Variants in DENND4C observed in about 807,000 individuals in gnomAD.
DENND4C encodes DENN domain-containing protein 4C.
Under a neutral mutation model 203.0 loss-of-function variants are expected in DENND4C, and 108 were observed. That is an observed-to-expected ratio of 0.53 (90% CI 0.46 to 0.62). The LOEUF is 0.62. Among genes scored for constraint, DENND4C ranks in the 20% least tolerant of loss-of-function variants. DENND4C has a pLI of 0.00. For synonymous variants in DENND4C, 871 were observed against 792.4 expected (o/e 1.10, Z -1.67); for missense variants, 2,481 against 2,301.2 (o/e 1.08, Z -1.60).
chr9:19,246,208 T>C lies in DENND4C; in HGVS notation c.-18+15375T>C, dbSNP rs1039798421. On this transcript the variant is annotated intron_variant, in intron 1 of 32. Transcript: ENST00000434457. ...TCCTTCATTGTAATCAAGGCAAAAC[T>C]TCAACCCCGATTACACTCAGTTCTT... Among the ~76,000 whole-genome samples the C allele has an allele frequency of 1.4e-4, 22 of 152,338 alleles. 2 individuals carry two copies. Among genetic ancestry groups the C allele is most frequent in the Admixed American group, 4.6e-4 (7 of 15,290 alleles).
At chr9:19,301,464 C>T (rs1838562738) in intron 9 of DENND4C, among the ~76,000 whole-genome samples, 1 of 152,262 alleles carries the variant, frequency 6.6e-6, no homozygotes, top group South Asian at 2.1e-4. Flanking sequence ...GGGTATGTCT[C>T]CAAGATCTTA....
rs758582867 is a variant in DENND4C at position 19,305,458 on chromosome 9, G to A, written c.1418G>A (p.Arg473Lys). Reference protein sequence around the residue: ...PLPFIVGVDSRYFDLHDPPQD... With the variant: ...PLPFIVGVDSKYFDLHDPPQD... ...CCATTTATAGTTGGAGTTGACTCAA[G>A]GTATTTTGATCTTCATGACCCACCA... The change falls in exon 10 of 33, where the codon AGG becomes AAG. Residue 473 changes from arginine (R) to lysine (K), a missense_variant. Transcript: ENST00000434457. 1 of 1,613,870 alleles carries A rather than the reference G, an allele frequency of 6.2e-7. No individual in the cohort carries two copies. The highest frequency in any genetic ancestry group is 1.1e-5 in the South Asian group (1 of 91,076).
rs1589006553 is a variant in DENND4C at position 19,372,409 on chromosome 9, G to T, written c.*236G>T. The stretch of plus-strand genomic sequence containing the variant: ...TTTTCAACCCCTGAACTGCTTTTCT[G>T]CCTCTGTGGAAAACTACTTTGGGAT... On this transcript the variant is annotated 3_prime_UTR_variant, in exon 33 of 33. Coordinates refer to ENST00000434457, the MANE Select transcript of DENND4C (RefSeq NM_001330640.2). 1 of 395,726 alleles carries T rather than the reference G, an allele frequency of 2.5e-6. No individual in the cohort carries two copies. The highest frequency in any genetic ancestry group is 4.1e-5 in the East Asian group (1 of 24,678). 24.5% of individuals were successfully genotyped at this position (395,726 alleles called of 1,614,324 possible). A position where few individuals can be genotyped will look rare whatever the true frequency, so the allele number is the denominator to read the frequency against.
At chr9:19,255,835 A>G (rs1827783822) in intron 1 of DENND4C, among the ~76,000 whole-genome samples, 1 of 152,222 alleles carries the variant, frequency 6.6e-6, no homozygotes, top group Non-Finnish European at 1.5e-5. Context: ...ACCATCAAGG[A>G]TGTAGTAGAC....
intron 24 of DENND4C, 81 bp downstream of exon 24, chr9:19,350,960 G>A (rs1823982718): frequency 7.1e-6 from 10 of 1,417,134 alleles, no homozygotes; most frequent in Non-Finnish European, 9.5e-6. Context: ...ACGGGGTTTT[G>A]TCTTGTTGCC....
intron 10 of DENND4C, among the ~76,000 whole-genome samples, chr9:19,307,767 C>G (rs1839980871): frequency 8.5e-6 from 1 of 117,304 alleles, no homozygotes; most frequent in Non-Finnish European, 1.8e-5. Flanking sequence ...GAGACTCTGT[C>G]TCAAAAAAAA....
At chr9:19,303,628 C>G (rs1189885509) in intron 9 of DENND4C, among the ~76,000 whole-genome samples, 1 of 152,162 alleles carries the variant, frequency 6.6e-6, no homozygotes, top group Non-Finnish European at 1.5e-5. Flanking sequence ...TGGTACATAG[C>G]AAGTGCCCAA....
At position 19,358,203 on chromosome 9, in the gene DENND4C, C is replaced by G; in HGVS notation, c.5160+43C>G. Reference sequence around the variant, plus strand: ...CATTGTAATTATACTGCATACACACCTAAGTATATAGTAGAACATTATAAA... The same window carrying G: ...CATTGTAATTATACTGCATACACACGTAAGTATATAGTAGAACATTATAAA... On this transcript the variant is annotated intron_variant, in intron 28 of 32. Transcript: ENST00000434457. The surrounding 1 kb of genome is among the most constrained non-coding windows in gnomAD (Gnocchi z 4.8). The G allele has an allele frequency of 6.8e-7, 1 of 1,481,370 alleles. No individual in the cohort carries two copies. Among genetic ancestry groups the G allele is most frequent in the Non-Finnish European group, 9.3e-7 (1 of 1,070,700 alleles). 91.8% of individuals were successfully genotyped at this position (1,481,370 alleles called of 1,614,324 possible). A position where few individuals can be genotyped will look rare whatever the true frequency, so the allele number is the denominator to read the frequency against.
intron 1 of DENND4C, among the ~76,000 whole-genome samples, chr9:19,260,533 A>G (rs113955312): frequency 0.054 from 8,186 of 151,818 alleles, 369 homozygotes; most frequent in African/African-American, 0.12. Flanking sequence ...GAGTAGCTGG[A>G]TCTACAGGTG....
chr9:19,296,584 AC>A (rs992561143), intron 6 of DENND4C, among the ~76,000 whole-genome samples: 5 of 151,856 alleles, frequency 3.3e-5, no homozygotes, highest in African/African-American at 1.2e-4. Flanking sequence ...TGAACTCCTG[AC>A]CTCATGGTCC....
chr9:19,368,743 T>G (rs530194710), intron 30 of DENND4C, among the ~76,000 whole-genome samples: 3 of 152,070 alleles, frequency 2.0e-5, no homozygotes, highest in Non-Finnish European at 4.4e-5. Flanking sequence ...AAGGCTGCAG[T>G]GAGCTGTGAT....
chr9:19,243,502 T>G (rs1385622606), intron 1 of DENND4C, among the ~76,000 whole-genome samples: 2 of 152,188 alleles, frequency 1.3e-5, no homozygotes, highest in East Asian at 3.8e-4. Context: ...GCTGTACCCG[T>G]TAAGCAGTCT....
intron 27 of DENND4C, 153 bp downstream of exon 27, chr9:19,357,307 A>G (rs1588982063): frequency 4.6e-6 from 3 of 657,450 alleles, no homozygotes; most frequent in East Asian, 5.7e-5. Context: ...TAACGAGCTA[A>G]TGAATGAATC....
At chr9:19,357,207 T>C (rs1292012828) in intron 27 of DENND4C, 53 bp downstream of exon 27, 1 of 1,585,846 alleles carries the variant, frequency 6.3e-7, no homozygotes, top group Non-Finnish European at 8.6e-7. Flanking sequence ...GGTACCCTTG[T>C]AAAAATTCTG....
intron 24 of DENND4C, 62 bp from the exon 25 acceptor site, chr9:19,352,011 T>A: frequency 1.5e-6 from 2 of 1,376,968 alleles, no homozygotes; most frequent in Non-Finnish European, 2.1e-6. Flanking sequence ...TACTTTGGCA[T>A]GCATTTTCAA....
At chr9:19,297,242 G>A (rs1837653693) in intron 6 of DENND4C, among the ~76,000 whole-genome samples, 1 of 152,144 alleles carries the variant, frequency 6.6e-6, no homozygotes, top group African/African-American at 2.4e-5. Context: ...AAACATACTA[G>A]TTTAGTGGAT....
rs143168108 is a variant in DENND4C at position 19,263,428 on chromosome 9, C to T, written c.-17-12730C>T. Among the ~76,000 whole-genome samples, 1,096 of 152,132 alleles carry T rather than the reference C, an allele frequency of 7.2e-3. 15 individuals carry two copies. Among genetic ancestry groups the T allele is most frequent in the African/African-American group, 0.026 (1,059 of 41,498 alleles). ...CTAGAGTGCAATGGCATGATCTCGG[C>T]TCACTGCAACCTCTGCCTCCTGGGT... On this transcript the variant is annotated intron_variant, in intron 1 of 32. Transcript: ENST00000434457.
At chr9:19,309,177 C>CT (rs1203280418) in intron 10 of DENND4C, among the ~76,000 whole-genome samples, 1 of 152,106 alleles carries the variant, frequency 6.6e-6, no homozygotes, top group African/African-American at 2.4e-5. Context: ...AATCCCAGTA[C>CT]TTTGAGAGGC....
At chr9:19,262,076 C>CTTTTTTTTT (rs60223074) in intron 1 of DENND4C, among the ~76,000 whole-genome samples, 1 of 55,446 alleles carries the variant, frequency 1.8e-5, no homozygotes. Context: ...TTTATTAGTT[C>CTTTTTTTTT]TTTTTTTTTT....
Sources: gnomAD v4.1 joint callset for allele counts (sites outside exome capture counted in the v4.1 genomes callset) on GRCh38, gnomAD v4.1.1 for gene constraint, Gnocchi (gnomAD v3.1) non-coding constraint, MANE v1.5 for transcripts, NCBI Gene and HGNC (gene_info 2026-07-23, HGNC 2026-07-21) for gene names.